ASIP: variants seen among roughly 807,000 people sequenced by gnomAD.
The protein encoded by ASIP is agouti-signaling protein.
Under a neutral mutation model 10.3 loss-of-function variants are expected in ASIP, and 11 were observed. The observed-to-expected ratio is 1.07, with a 90% CI of 0.68 to 1.78. The LOEUF (loss-of-function observed/expected upper bound fraction) is 1.78. Among genes scored for constraint, ASIP ranks in the 40% most tolerant of loss-of-function variants. The pLI is 0.00. For missense variants in ASIP, 180 were observed against 169.2 expected (o/e 1.06, Z -0.35); for synonymous variants, 70 against 70.8 (o/e 0.99, Z 0.06).
intron 1 of ASIP, among the ~76,000 whole-genome samples, chr20:34,216,247 G>C (rs1400718224): frequency 6.6e-6 from 1 of 152,208 alleles, no homozygotes; most frequent in Non-Finnish European, 1.5e-5. Context: ...GCGAGGGCCA[G>C]CTAACGCCGC....
upstream of ASIP, among the ~76,000 whole-genome samples, chr20:34,236,947 ATTT>A (rs1236842903): frequency 6.6e-6 from 1 of 152,136 alleles, no homozygotes; most frequent in Non-Finnish European, 1.5e-5. Context: ...TCCTAGTACC[ATTT>A]GTTGAAAAAA....
chr20:34,235,918 G>GGAAGCGGGAGGGAGGGAA (rs1568756660), intron 1 of ASIP, among the ~76,000 whole-genome samples: 10 of 122,880 alleles, frequency 8.1e-5, no homozygotes, highest in African/African-American at 4.0e-4. Context: ...AAGGAAGGAA[G>GGAAGCGGGAGGGAGGGAA]GAAGGAAGGA....
intron 1 of ASIP, among the ~76,000 whole-genome samples, chr20:34,208,969 CT>C (rs2034955460): frequency 1.3e-5 from 2 of 152,136 alleles, no homozygotes; most frequent in Non-Finnish European, 2.9e-5. Flanking sequence ...ATTGTGTATC[CT>C]GCTACTTAAT....
chr20:34,231,728 G>A (rs2035123219), intron 1 of ASIP, among the ~76,000 whole-genome samples: 1 of 152,144 alleles, frequency 6.6e-6, no homozygotes, highest in African/African-American at 2.4e-5. Flanking sequence ...CAAAAAATAT[G>A]CAAATTGAAA....
chr20:34,263,026 C>A, intron 3 of ASIP, 133 bp downstream of exon 3: 2 of 1,022,784 alleles, frequency 2.0e-6, no homozygotes, highest in Non-Finnish European at 2.8e-6. Flanking sequence ...AAACTGAAAG[C>A]TACTAAAGAC....
At position 34,268,998 on chromosome 20, in the gene ASIP, C is replaced by T. The variant is rs369598328; in HGVS notation, c.230C>T (p.Ala77Val). Residue 77 changes from alanine to valine, a missense_variant, in exon 4 of 4, where the codon GCT (alanine) becomes GTT (valine). Transcript: ENST00000374954. ...AEKKRSSKKE[A>V]SMKKVVRPRT... ...CCGGCGTTTCCCACGCAGAAGGAGG[C>T]TTCGATGAAGAAAGTGGTGCGGCCC... The T allele has an allele frequency of 6.2e-7, 1 of 1,605,656 alleles. No homozygotes were observed. Among genetic ancestry groups the T allele is most frequent in the Middle Eastern group, 1.7e-4 (1 of 6,044 alleles).
rs1460226641 is a variant in ASIP, at chr20:34,215,894, C to T, written c.-11+21134C>T. ...CCCTAATAGAGCCTGTTTATCCATC[C>T]TTGCTGCTATACTTGGAGTTTTCTG... On this transcript the variant is annotated intron_variant, in intron 1 of 3. Transcript: ENST00000568305. 1.6e-5 allele frequency: 15 copies of T among 949,374 alleles called. No homozygotes were observed. In the African/African-American group the frequency reaches 2.4e-4, roughly 15 times the overall value. The allele number at this position is 949,374 out of a possible 1,614,324, so 58.8% of individuals were successfully genotyped here. A position where few individuals can be genotyped will look rare whatever the true frequency, so the allele number is the denominator to read the frequency against.
chr20:34,191,273 C>T (rs1399248296), upstream of ASIP, among the ~76,000 whole-genome samples: 1 of 152,190 alleles, frequency 6.6e-6, no homozygotes, highest in Non-Finnish European at 1.5e-5. Context: ...CTTACACATA[C>T]TGGGGGGAAG....
intron 1 of ASIP, among the ~76,000 whole-genome samples, chr20:34,198,671 A>G (rs1055395561): frequency 7.2e-5 from 11 of 151,888 alleles, no homozygotes; most frequent in Admixed American, 1.3e-4. Flanking sequence ...TTTTTTGTAG[A>G]GATAGGGTCT....
At chr20:34,220,953 CTTTTTTT>C (rs10661983) in intron 1 of ASIP, among the ~76,000 whole-genome samples, 10 of 109,766 alleles carry the variant, frequency 9.1e-5, no homozygotes, top group South Asian at 2.8e-4. Context: ...TTCTTTCCTT[CTTTTTTT>C]TTTTTTTTTT....
chr20:34,206,151 C>A (rs1043725040), intron 1 of ASIP, among the ~76,000 whole-genome samples: 3 of 152,052 alleles, frequency 2.0e-5, no homozygotes, highest in African/African-American at 4.8e-5. Context: ...CGCCTCTATA[C>A]CAAGATAATT....
chr20:34,245,139 G>T (rs536731208), intron 1 of ASIP, among the ~76,000 whole-genome samples: 30 of 151,902 alleles, frequency 2.0e-4, no homozygotes, highest in South Asian at 8.3e-4. Context: ...TTCGAGACCA[G>T]CCTGGCAAAC....
At chr20:34,200,340 A>G (rs2034884491) in intron 1 of ASIP, among the ~76,000 whole-genome samples, 1 of 152,222 alleles carries the variant, frequency 6.6e-6, no homozygotes, top group Non-Finnish European at 1.5e-5. Flanking sequence ...TATTCTGCCG[A>G]TTAAGAAATA....
At chr20:34,191,012 A>G (rs1191634006), upstream of ASIP, among the ~76,000 whole-genome samples, 5 of 152,204 alleles carry the variant, frequency 3.3e-5, no homozygotes, top group African/African-American at 9.7e-5. Flanking sequence ...CCATATGCAC[A>G]TATCCTGGAA....
At chr20:34,187,736 G>A in the ASIP span, among the ~76,000 whole-genome samples, 1 of 152,156 alleles carries the variant, frequency 6.6e-6, no homozygotes, top group African/African-American at 2.4e-5. Context: ...TTGATGGTTT[G>A]TTTTCAGTTC....
intron 1 of ASIP, among the ~76,000 whole-genome samples, chr20:34,223,510 C>G (rs2035068062): frequency 6.6e-6 from 1 of 151,482 alleles, no homozygotes; most frequent in Non-Finnish European, 1.5e-5. Context: ...GGGTCAGCCC[C>G]CCCGCCCGGC....
intron 1 of ASIP, among the ~76,000 whole-genome samples, chr20:34,254,045 CTGTT>C (rs1372291672): frequency 3.3e-5 from 5 of 151,898 alleles, no homozygotes. Flanking sequence ...CATTATTGTC[CTGTT>C]TTTTTGTTTT....
At chr20:34,203,690 C>T (rs965925298) in intron 1 of ASIP, among the ~76,000 whole-genome samples, 10 of 152,146 alleles carry the variant, frequency 6.6e-5, no homozygotes, top group Non-Finnish European at 1.3e-4. Flanking sequence ...AGCCAATGCA[C>T]CCAGCCTTAT....
intron 1 of ASIP, among the ~76,000 whole-genome samples, chr20:34,212,814 C>T (rs2034983103): frequency 6.6e-6 from 1 of 152,140 alleles, no homozygotes; most frequent in African/African-American, 2.4e-5. Flanking sequence ...ACCCTTATAA[C>T]TAATAAGCAA....
Sources: gnomAD v4.1 joint callset for allele counts (sites outside exome capture counted in the v4.1 genomes callset) on GRCh38, gnomAD v4.1.1 for gene constraint, MANE v1.5 for transcripts, NCBI Gene and HGNC (gene_info 2026-07-23, HGNC 2026-07-21) for gene names.